The following SH3BGRL variants were observed in gnomAD, a reference collection of about 807,000 sequenced individuals.
The protein encoded by SH3BGRL is adapter SH3BGRL.
A neutral mutation model predicts 9.8 loss-of-function variants in SH3BGRL; 7 were observed. The ratio of observed to expected loss-of-function variants is 0.72; its 90% CI spans 0.41 to 1.35. The LOEUF (loss-of-function observed/expected upper bound fraction) is 1.35. Ranked by LOEUF, SH3BGRL falls within the 40% of genes most tolerant of loss-of-function variation. The pLI is 0.01. For synonymous variants in SH3BGRL, 36 were observed against 29.1 expected (o/e 1.24, Z -0.76); for missense variants, 73 against 84.4 (o/e 0.86, Z 0.53).
chrX:81,266,667 C>T (rs1418613201), intron 1 of SH3BGRL, among the ~76,000 whole-genome samples: 1 of 111,357 alleles, frequency 9.0e-6, no homozygotes, highest in South Asian at 3.7e-4. Context: ...TCTTCTTGCC[C>T]AGGACTGTCT....
intron 1 of SH3BGRL, among the ~76,000 whole-genome samples, chrX:81,217,707 T>A (rs751782180): frequency 9.0e-6 from 1 of 111,585 alleles, no homozygotes; most frequent in African/African-American, 3.2e-5. Context: ...TATGTGCTGA[T>A]AAAAAATGTA....
intron 3 of SH3BGRL, among the ~76,000 whole-genome samples, chrX:81,293,504 G>C (rs948863657): frequency 1.8e-5 from 2 of 111,623 alleles, no homozygotes; most frequent in African/African-American, 3.3e-5. Flanking sequence ...CCAACATGCT[G>C]AAACCCTGTC....
chrX:81,268,186 T>G (rs1362063265), intron 1 of SH3BGRL, among the ~76,000 whole-genome samples: 2 of 111,559 alleles, frequency 1.8e-5, no homozygotes, highest in Admixed American at 1.9e-4. Context: ...CACTAATTTT[T>G]TTTTGAAGGG....
At chrX:81,245,347 G>T (rs1297080610) in intron 1 of SH3BGRL, among the ~76,000 whole-genome samples, 2 of 111,515 alleles carry the variant, frequency 1.8e-5, no homozygotes, top group African/African-American at 6.5e-5. Context: ...GTAGCAACAA[G>T]ACTTTTATGT....
At chrX:81,242,700 T>A (rs537450070) in intron 1 of SH3BGRL, among the ~76,000 whole-genome samples, 40 of 111,406 alleles carry the variant, frequency 3.6e-4, no homozygotes, top group African/African-American at 1.3e-3. Context: ...CCAGAATACT[T>A]AAGGAGCCCA....
intron 1 of SH3BGRL, among the ~76,000 whole-genome samples, chrX:81,218,925 T>C (rs2075591017): frequency 9.1e-6 from 1 of 109,607 alleles, no homozygotes; most frequent in Non-Finnish European, 1.9e-5. Context: ...AAAATCCCAT[T>C]AGACCTAATA....
intron 2 of SH3BGRL, among the ~76,000 whole-genome samples, chrX:81,277,749 C>T (rs2075802922): frequency 8.9e-6 from 1 of 111,914 alleles, no homozygotes; most frequent in African/African-American, 3.3e-5. Context: ...GAGGAAGCTG[C>T]AGGCAGAGTT....
At chrX:81,266,773 T>C (rs1266714889) in intron 1 of SH3BGRL, among the ~76,000 whole-genome samples, 3 of 112,349 alleles carry the variant, frequency 2.7e-5, no homozygotes, top group Non-Finnish European at 5.6e-5. Context: ...GGGGATAGCA[T>C]TGAATCTATA....
At chrX:81,229,070 A>G (rs1441169521) in intron 1 of SH3BGRL, among the ~76,000 whole-genome samples, 1 of 111,822 alleles carries the variant, frequency 8.9e-6, no homozygotes, top group African/African-American at 3.3e-5. Context: ...GCTCCCTAGA[A>G]TTTGTGTCCA....
intron 2 of SH3BGRL, among the ~76,000 whole-genome samples, chrX:81,277,815 A>G (rs2075803103): frequency 8.9e-6 from 1 of 112,021 alleles, no homozygotes; most frequent in African/African-American, 3.2e-5. Flanking sequence ...ATAGAATAGC[A>G]TACTTTTCAA....
intron 3 of SH3BGRL, among the ~76,000 whole-genome samples, chrX:81,294,770 C>T (rs1223517094): frequency 1.8e-5 from 2 of 111,904 alleles, no homozygotes; most frequent in Non-Finnish European, 3.8e-5. Context: ...CAACACCAGT[C>T]TGTGAAAAGG....
intron 1 of SH3BGRL, among the ~76,000 whole-genome samples, chrX:81,241,149 G>A (rs2075667705): frequency 8.9e-6 from 1 of 112,503 alleles, no homozygotes; most frequent in African/African-American, 3.2e-5. Context: ...CCAACTGGGT[G>A]TGTGCATGAT....
intron 1 of SH3BGRL, among the ~76,000 whole-genome samples, chrX:81,262,106 T>C (rs1458085411): frequency 1.8e-5 from 2 of 111,605 alleles, no homozygotes; most frequent in Non-Finnish European, 3.8e-5. Flanking sequence ...ACAGCCACCT[T>C]ACTTTTCTCA....
At chrX:81,293,321 A>G (rs1389593405) in intron 3 of SH3BGRL, among the ~76,000 whole-genome samples, 1 of 111,284 alleles carries the variant, frequency 9.0e-6, no homozygotes, top group Non-Finnish European at 1.9e-5. Flanking sequence ...CTTTGTCAGC[A>G]GGGTGAAAAT....
At chrX:81,229,134 A>T (rs2075625308) in intron 1 of SH3BGRL, among the ~76,000 whole-genome samples, 1 of 110,971 alleles carries the variant, frequency 9.0e-6, no homozygotes, top group African/African-American at 3.3e-5. Context: ...TTAGTAATTA[A>T]GGAGATTCTG....
intron 1 of SH3BGRL, among the ~76,000 whole-genome samples, chrX:81,251,006 G>C (rs1245873624): frequency 1.8e-5 from 2 of 111,814 alleles, no homozygotes; most frequent in Non-Finnish European, 3.8e-5. Flanking sequence ...TGTGATATTT[G>C]TAAAAAATCC....
chrX:81,205,500 G>A (rs868382901), intron 1 of SH3BGRL, among the ~76,000 whole-genome samples: 5 of 87,543 alleles, frequency 5.7e-5, no homozygotes, highest in African/African-American at 2.5e-4. Context: ...GTGTGTGTGT[G>A]TGTGTATATA....
chrX:81,236,283 A>C (rs1482222677), intron 1 of SH3BGRL, among the ~76,000 whole-genome samples: 2 of 111,796 alleles, frequency 1.8e-5, no homozygotes, highest in African/African-American at 6.5e-5. Flanking sequence ...AATAAGCAAT[A>C]ATAATTAACC....
chrX:81,285,342 G>A (rs940902401), intron 3 of SH3BGRL, among the ~76,000 whole-genome samples: 4 of 111,726 alleles, frequency 3.6e-5, no homozygotes, highest in African/African-American at 1.3e-4. Context: ...ATAGTGCTGA[G>A]AAGGGTGGAT....
Sources: gnomAD v4.1 joint callset for allele counts (sites outside exome capture counted in the v4.1 genomes callset) on GRCh38, gnomAD v4.1.1 for gene constraint, MANE v1.5 for transcripts, NCBI Gene and HGNC (gene_info 2026-07-23, HGNC 2026-07-21) for gene names.